The following ADAMTS2 variants were observed in gnomAD, a reference collection of about 807,000 sequenced individuals.
ADAMTS2 encodes A disintegrin and metalloproteinase with thrombospondin motifs 2.
A neutral mutation model predicts 123.0 loss-of-function variants in ADAMTS2; 50 were observed. That is an observed-to-expected ratio of 0.41 (90% confidence interval 0.32 to 0.51). The LOEUF (loss-of-function observed/expected upper bound fraction) is 0.51. Ranked by LOEUF, ADAMTS2 falls within the 20% of genes least tolerant of loss-of-function variation. The pLI, the probability that ADAMTS2 is intolerant of heterozygous loss-of-function variation, is 0.35. For missense variants in ADAMTS2, 1,494 were observed against 1,705.2 expected (o/e 0.88, Z 2.18); for synonymous variants, 678 against 695.4 (o/e 0.98, Z 0.39).
At position 179,317,449 on chromosome 5, in the gene ADAMTS2, G is replaced by A. The variant is rs373454678; in HGVS notation, c.534+26318C>T. On this transcript the variant is annotated intron_variant, in intron 2 of 21. Transcript: ENST00000251582. This position sits in a 1 kb window ranked among gnomAD's most constrained non-coding sequence, Gnocchi z 4.9. ...CCAGGAGGCCACAGCACAGTTCCTC[G>A]TGGAGGGAGAGAGATGCGAGCAGGT... is the stretch of plus-strand genomic sequence containing the variant. Among the ~76,000 whole-genome samples, 6 of 152,296 alleles carry A rather than the reference G, an allele frequency of 3.9e-5. No individual in the cohort carries two copies. Among genetic ancestry groups the A allele is most frequent in the East Asian group, 3.9e-4 (2 of 5,188 alleles).
chr5:179,258,745 A>G (rs1007205632), intron 3 of ADAMTS2, among the ~76,000 whole-genome samples: 6 of 152,106 alleles, frequency 3.9e-5, no homozygotes, highest in Admixed American at 3.3e-4. Context: ...CCACCTCGAC[A>G]GGTCTGAGGT....
At chr5:179,251,688 A>C (rs1765929741) in intron 3 of ADAMTS2, among the ~76,000 whole-genome samples, 1 of 152,194 alleles carries the variant, frequency 6.6e-6, no homozygotes, top group South Asian at 2.1e-4. Context: ...TCCTAGGCAT[A>C]TACCTAAGAG....
intron 5 of ADAMTS2, among the ~76,000 whole-genome samples, chr5:179,168,647 G>A (rs1394916553): frequency 6.6e-6 from 1 of 152,160 alleles, no homozygotes; most frequent in East Asian, 1.9e-4. Context: ...CTCCTCTTAT[G>A]GGGGAAACTA....
rs1763109277 is a variant in ADAMTS2, at chr5:179,138,779, T to TGACTGCGGGTCCTCTCTGGCTCCGC, written c.1776-860_1776-836dup. ...ACTGCGGGATCCCTCCGCGGAGCCGTGACTGCGGGTCCTCTCTGGCTCCGC... is the reference window on the plus strand; with the variant it reads ...ACTGCGGGATCCCTCCGCGGAGCCGTGACTGCGGGTCCTCTCTGGCTCCGCGACTGCGGGTCCTCTCTGGCTCCGC... On this transcript the variant is annotated intron_variant, in intron 11 of 21. Coordinates refer to ENST00000251582, the MANE Select transcript of ADAMTS2 (RefSeq NM_014244.5). 3.9e-5 allele frequency among the ~76,000 whole-genome samples: 6 copies of TGACTGCGGGTCCTCTCTGGCTCCGC among 152,242 alleles called. No homozygotes were observed. The South Asian group carries it at 1.2e-3, about 32-fold the overall frequency.
chr5:179,233,498 C>T (rs1765458728), intron 3 of ADAMTS2, among the ~76,000 whole-genome samples: 1 of 152,164 alleles, frequency 6.6e-6, no homozygotes, highest in African/African-American at 2.4e-5. Flanking sequence ...CCAGCCTGGC[C>T]AACATGGCAA....
intron 2 of ADAMTS2, among the ~76,000 whole-genome samples, chr5:179,323,816 T>C (rs1757245751): frequency 6.6e-6 from 1 of 152,188 alleles, no homozygotes; most frequent in South Asian, 2.1e-4. Flanking sequence ...AATGCATCAA[T>C]TAAAAGCACA....
chr5:179,230,483 G>A (rs1020360691), intron 3 of ADAMTS2, among the ~76,000 whole-genome samples: 6 of 151,856 alleles, frequency 4.0e-5, no homozygotes, highest in Admixed American at 2.6e-4. Context: ...AAATACATAC[G>A]CTTGACGTTA....
At position 179,312,606 on chromosome 5, in the gene ADAMTS2, C is replaced by A. The variant is rs150962394; in HGVS notation, c.534+31161G>T. Among the ~76,000 whole-genome samples the A allele has an allele frequency of 6.6e-6, 1 of 152,244 alleles. No individual in the cohort carries two copies. The highest frequency in any genetic ancestry group is 1.5e-5 in the Non-Finnish European group (1 of 68,056). On this transcript the variant is annotated intron_variant, in intron 2 of 21. Transcript: ENST00000251582. This position sits in a 1 kb window ranked among gnomAD's most constrained non-coding sequence, Gnocchi z 4.2. ...AAGACAGGCCCTAAATGCAATCACA[C>A]TTCTCTTTATCAGAGGAAGGCAGAG...
Position 179,242,703 on chromosome 5 carries a change from T to C in ADAMTS2, c.688+30208A>G, listed in dbSNP as rs1450763098. Among the ~76,000 whole-genome samples the C allele has an allele frequency of 6.6e-6, 1 of 152,202 alleles. No homozygotes were observed. The highest frequency in any genetic ancestry group is 2.4e-5 in the African/African-American group (1 of 41,458). Reference sequence around the variant, plus strand: ...CTTCTAGTCCTTCCAGTTCAGCTTATGGGGAGTTCCACTCTGGGGGTGTGT... The same window carrying C: ...CTTCTAGTCCTTCCAGTTCAGCTTACGGGGAGTTCCACTCTGGGGGTGTGT... On this transcript the variant is annotated intron_variant, in intron 3 of 21. Transcript: ENST00000251582. This position sits in a 1 kb window ranked among gnomAD's most constrained non-coding sequence, Gnocchi z 4.2.
intron 2 of ADAMTS2, among the ~76,000 whole-genome samples, chr5:179,309,757 CAAAAAAAAAAAAAAA>C (rs34487269): frequency 4.5e-5 from 2 of 44,448 alleles, no homozygotes; most frequent in Non-Finnish European, 8.7e-5. Flanking sequence ...ACTCAGTCTC[CAAAAAAAAAAAAAAA>C]AAAAAAAAAA....
At chr5:179,264,548 C>T (rs1373122774) in intron 3 of ADAMTS2, among the ~76,000 whole-genome samples, 1 of 152,252 alleles carries the variant, frequency 6.6e-6, no homozygotes, top group African/African-American at 2.4e-5. Context: ...CACCCCTGAG[C>T]CGTGTACTGT....
chr5:179,144,622 T>G (rs1207162663), intron 10 of ADAMTS2, among the ~76,000 whole-genome samples: 1 of 152,230 alleles, frequency 6.6e-6, no homozygotes, highest in African/African-American at 2.4e-5. Context: ...TTTGATAAGT[T>G]AAACTTTGAC....
chr5:179,275,362 A>G (rs973396833), intron 2 of ADAMTS2, among the ~76,000 whole-genome samples: 9 of 151,840 alleles, frequency 5.9e-5, no homozygotes, highest in Admixed American at 5.9e-4. Context: ...CTGAGATGGG[A>G]GGGAGGAGGA....
At chr5:179,226,228 C>T (rs1259196108) in intron 3 of ADAMTS2, among the ~76,000 whole-genome samples, 3 of 139,664 alleles carry the variant, frequency 2.1e-5, no homozygotes, top group African/African-American at 7.5e-5. Flanking sequence ...TCCTTCTTTC[C>T]TTCCTTCCTT....
chr5:179,240,646 G>C (rs1355168543), intron 3 of ADAMTS2, among the ~76,000 whole-genome samples: 1 of 152,210 alleles, frequency 6.6e-6, no homozygotes, highest in Admixed American at 6.5e-5. Flanking sequence ...GACAGCTGTG[G>C]TCATGGTCGA....
chr5:179,262,760 G>A lies in ADAMTS2; in HGVS notation c.688+10151C>T, dbSNP rs1428694496. ...GTTCACAGGATTCTCCACTGTCTGC[G>A]AGCATCTGCTCACCAGGTCTCCCCT... On this transcript the variant is annotated intron_variant, in intron 3 of 21. Coordinates refer to ENST00000251582, the MANE Select transcript of ADAMTS2 (RefSeq NM_014244.5). This position sits in a 1 kb window ranked among gnomAD's most constrained non-coding sequence, Gnocchi z 5.9. Among the ~76,000 whole-genome samples, 1 of 152,206 alleles carries A rather than the reference G, an allele frequency of 6.6e-6. No homozygotes were observed. Among genetic ancestry groups the A allele is most frequent in the Non-Finnish European group, 1.5e-5 (1 of 68,042 alleles).
chr5:179,142,071 GC>G (rs143401443), intron 10 of ADAMTS2, among the ~76,000 whole-genome samples: 23,517 of 152,014 alleles, frequency 0.15, 1,959 homozygotes, highest in African/African-American at 0.23. Flanking sequence ...TGGTGCAGGG[GC>G]CTGCCCAGAG....
intron 10 of ADAMTS2, among the ~76,000 whole-genome samples, chr5:179,150,588 G>C (rs114937014): frequency 7.9e-4 from 120 of 152,320 alleles, no homozygotes; most frequent in Middle Eastern, 3.4e-3. Context: ...GTTATTCAGC[G>C]ATCGAGAGAA....
chr5:179,223,594 G>A (rs182229836), intron 3 of ADAMTS2, among the ~76,000 whole-genome samples: 18 of 145,276 alleles, frequency 1.2e-4, no homozygotes, highest in Non-Finnish European at 1.8e-4. Flanking sequence ...ATGCACTCAC[G>A]CGTGAATGCA....
Sources: gnomAD v4.1 joint callset for allele counts (sites outside exome capture counted in the v4.1 genomes callset) on GRCh38, gnomAD v4.1.1 for gene constraint, Gnocchi (gnomAD v3.1) non-coding constraint, MANE v1.5 for transcripts, NCBI Gene and HGNC (gene_info 2026-07-23, HGNC 2026-07-21) for gene names.